Variants in ATXN2L observed in about 807,000 individuals in gnomAD.
ATXN2L encodes ataxin-2-like protein.
Under a neutral mutation model 120.7 loss-of-function variants are expected in ATXN2L, and 24 were observed. The ratio of observed to expected loss-of-function variants is 0.20; its 90% CI spans 0.14 to 0.28. The LOEUF (loss-of-function observed/expected upper bound fraction) is 0.28. ATXN2L is among the 10% of genes least tolerant of loss of function. ATXN2L has a pLI of 1.00. For synonymous variants in ATXN2L, 653 were observed against 568.1 expected, an observed-to-expected ratio of 1.15 and a Z score of -2.13; for missense variants, 1,312 against 1,432.3, an observed-to-expected ratio of 0.92 and a Z score of 1.36.
At chr16:28,833,026 T>C in intron 13 of ATXN2L, 33 bp from the exon 14 acceptor site, 1 of 1,607,440 alleles carries the variant, frequency 6.2e-7, no homozygotes, top group Non-Finnish European at 8.5e-7. Context: ...AGGGTCTGGG[T>C]CAGACTGGAC....
intron 1 of ATXN2L, among the ~76,000 whole-genome samples, 184 bp from the exon 2 acceptor site, chr16:28,825,182 A>T (rs948043086): frequency 6.6e-6 from 1 of 152,102 alleles, no homozygotes. Context: ...ACGCCACTGC[A>T]CCCCAGCCTG....
intron 1 of ATXN2L, chr16:28,824,492 A>G (rs1473245690): frequency 4.7e-6 from 6 of 1,288,178 alleles, no homozygotes; most frequent in African/African-American, 1.5e-5. Flanking sequence ...ACCGCCGGTT[A>G]CATCAGCCAG....
chr16:28,824,456 C>A (rs1458340037), intron 1 of ATXN2L: 1 of 1,287,476 alleles, frequency 7.8e-7, no homozygotes. Context: ...CCCCCAGCCC[C>A]GCCAGCGGCC....
In ATXN2L at chr16:28,835,535, C is replaced by A; in HGVS notation, c.2686-14C>A. On this transcript the variant is annotated splice_polypyrimidine_tract_variant and intron_variant, in intron 20 of 21. Coordinates refer to ENST00000336783, the MANE Select transcript of ATXN2L (RefSeq NM_007245.4). ...GCTGGCCTGTGTGGCACTCAACCTTCCCCTCCCCAGCAGCATCAGGCGGGG... is the reference window on the plus strand; with the variant it reads ...GCTGGCCTGTGTGGCACTCAACCTTACCCTCCCCAGCAGCATCAGGCGGGG... The A allele has an allele frequency of 6.2e-7, 1 of 1,612,894 alleles. No homozygotes were observed. The highest frequency in any genetic ancestry group is 8.5e-7 in the Non-Finnish European group (1 of 1,179,760).
At chr16:28,824,014 G>A in intron 1 of ATXN2L, 1 of 784,012 alleles carries the variant, frequency 1.3e-6, no homozygotes, top group Non-Finnish European at 1.6e-6. Context: ...GGGAGGGAGG[G>A]ACTTGGGAGC....
In ATXN2L at chr16:28,830,603, C is replaced by G; in HGVS notation, c.1035-12C>G. 1 of 1,549,078 alleles carries G rather than the reference C, an allele frequency of 6.5e-7. No homozygotes were observed. The highest frequency in any genetic ancestry group is 8.7e-7 in the Non-Finnish European group (1 of 1,147,940). ...TTGTGGCTACCTGGCCTTATTTGAA[C>G]TCTTTCCTCAGGGAGGGGAAGTATA... On this transcript the variant is annotated splice_polypyrimidine_tract_variant and intron_variant, in intron 8 of 21. Transcript: ENST00000336783.
chr16:28,830,857 T>C, intron 9 of ATXN2L, 67 bp downstream of exon 9: 1 of 1,534,428 alleles, frequency 6.5e-7, no homozygotes, highest in Non-Finnish European at 8.8e-7. Context: ...GGAGGGTAAT[T>C]GGAGGGGTTT....
In ATXN2L at chr16:28,837,099, T is replaced by A. The variant is rs780637920; in HGVS notation, c.*834T>A. The stretch of plus-strand genomic sequence containing the variant: ...ACTTCAGACTTGGGCCCCCTGTTCT[T>A]TCTTTCCCATTAACTTGAGTGACCT... On this transcript the variant is annotated 3_prime_UTR_variant, in exon 22 of 22. Transcript: ENST00000336783. 1.9e-6 allele frequency: 1 copy of A among 522,160 alleles called. No individual in the cohort carries two copies. The highest frequency in any genetic ancestry group is 1.6e-5 in the South Asian group (1 of 63,906). 32.3% of individuals were successfully genotyped at this position (522,160 alleles called of 1,614,324 possible). A position where few individuals can be genotyped will look rare whatever the true frequency, so the allele number is the denominator to read the frequency against.
chr16:28,835,960 G>A lies in ATXN2L; in HGVS notation c.2923G>A (p.Ala975Thr). ...CCATGTCCAAACTGGAATCACAGCAGCCCCGCCCCCTCACCCTGGGGCTCC... is the reference window on the plus strand; with the variant it reads ...CCATGTCCAAACTGGAATCACAGCAACCCCGCCCCCTCACCCTGGGGCTCC... ...QAHVQTGITA[A>T]PPPHPGAPHP... Residue 975 changes from alanine to threonine, a missense_variant, in exon 22 of 22, where the codon GCC (alanine) becomes ACC (threonine). By Grantham distance (58) the Ala-to-Thr change is moderately conservative. Coordinates refer to ENST00000336783, the MANE Select transcript of ATXN2L (RefSeq NM_007245.4). The A allele has an allele frequency of 6.5e-7, 1 of 1,541,748 alleles. No homozygotes were observed. The highest frequency in any genetic ancestry group is 1.3e-5 in the South Asian group (1 of 79,564).
intron 6 of ATXN2L, 88 bp downstream of exon 6, chr16:28,827,074 T>C: frequency 7.9e-7 from 1 of 1,269,512 alleles, no homozygotes; most frequent in Non-Finnish European, 1.0e-6. Flanking sequence ...GAGGGAAATA[T>C]TTACTGTTGC....
rs561033634 is a variant in ATXN2L, at chr16:28,836,945, G to A, written c.*680G>A. 14 of 753,720 alleles carry A rather than the reference G, an allele frequency of 1.9e-5. No homozygotes were observed. In the South Asian group the frequency reaches 2.3e-4, roughly 13 times the overall value. The allele number at this position is 753,720 out of a possible 1,614,324, so 46.7% of individuals were successfully genotyped here. On this transcript the variant is annotated 3_prime_UTR_variant, in exon 22 of 22. Transcript: ENST00000336783. ...AATGGGAGGGGCCTCACAGAGGGCA[G>A]GGCCAGGGTCCAGCAGGGGTGGGGG... is the stretch of plus-strand genomic sequence containing the variant.
chr16:28,830,856 T>G, intron 9 of ATXN2L, 66 bp downstream of exon 9: 2 of 1,535,916 alleles, frequency 1.3e-6, no homozygotes, highest in South Asian at 1.2e-5. Flanking sequence ...GGGAGGGTAA[T>G]TGGAGGGGTT....
At chr16:28,824,290 A>AGTGTGT in intron 1 of ATXN2L, 1 of 1,169,196 alleles carries the variant, frequency 8.6e-7, no homozygotes, top group African/African-American at 1.6e-5. Flanking sequence ...TTCCTGTGCG[A>AGTGTGT]GTGTGTGTGT....
Position 28,826,258 on chromosome 16 carries a change from G to A in ATXN2L, c.484G>A (p.Ala162Thr). 1.2e-6 allele frequency: 2 copies of A among 1,614,200 alleles called. No individual in the cohort carries two copies. Among genetic ancestry groups the A allele is most frequent in the South Asian group, 1.1e-5 (1 of 91,082 alleles). ...LSSKFELAVD[A>T]VHRKASEPAG... ...TTTGTAGTTTGAACTAGCCGTGGAT[G>A]CTGTGCACCGGAAAGCATCTGAGCC... Residue 162 changes from alanine to threonine, a missense_variant, in exon 5 of 22, where the codon GCT (alanine) becomes ACT (threonine). By Grantham distance (58) the Ala-to-Thr change is moderately conservative. Transcript: ENST00000336783.
At position 28,823,174 on chromosome 16, in the gene ATXN2L, C is replaced by T. The variant is rs2050222112; in HGVS notation, c.-86C>T. The T allele has an allele frequency of 2.1e-6, 2 of 965,294 alleles. No homozygotes were observed. Among genetic ancestry groups the T allele is most frequent in the East Asian group, 3.3e-5 (1 of 29,872 alleles). 59.8% of individuals were successfully genotyped at this position (965,294 alleles called of 1,614,324 possible). A position where few individuals can be genotyped will look rare whatever the true frequency, so the allele number is the denominator to read the frequency against. ...CGGGCCCCGGCTGCCCGATCCCCCT[C>T]GCTTCCCGCGCTCTCCAGCGGGGCC... On this transcript the variant is annotated 5_prime_UTR_variant, in exon 1 of 22. Coordinates refer to ENST00000336783, the MANE Select transcript of ATXN2L (RefSeq NM_007245.4).
chr16:28,824,345 C>T (rs1479490785), intron 1 of ATXN2L: 1 of 1,210,334 alleles, frequency 8.3e-7, no homozygotes, highest in Non-Finnish European at 1.1e-6. Context: ...GCAGTGGGCT[C>T]TGATCGCTGG....
Position 28,825,750 on chromosome 16 carries a change from T to G in ATXN2L, c.394-20T>G. ...ATCTACTTTCTGGAGACACTCTTCTTATTTTTCCCACTCTGCCAGGGCTCC... is the reference window on the plus strand; with the variant it reads ...ATCTACTTTCTGGAGACACTCTTCTGATTTTTCCCACTCTGCCAGGGCTCC... On this transcript the variant is annotated intron_variant, in intron 3 of 21. Coordinates refer to ENST00000336783, the MANE Select transcript of ATXN2L (RefSeq NM_007245.4). 6.2e-7 allele frequency: 1 copy of G among 1,613,964 alleles called. No individual in the cohort carries two copies. Among genetic ancestry groups the G allele is most frequent in the Non-Finnish European group, 8.5e-7 (1 of 1,179,814 alleles).
intron 4 of ATXN2L, 36 bp downstream of exon 4, chr16:28,825,877 C>T (rs372150446): frequency 1.9e-6 from 3 of 1,570,568 alleles, no homozygotes; most frequent in Non-Finnish European, 1.8e-6. Flanking sequence ...TTTGGAGTTG[C>T]AGAGTAGGAG....
intron 1 of ATXN2L, 51 bp downstream of exon 1, chr16:28,823,609 G>A: frequency 1.6e-6 from 2 of 1,281,966 alleles, no homozygotes; most frequent in African/African-American, 1.5e-5. Context: ...CAGAGGCTGT[G>A]GCTCGGTTCC....
Sources: allele counts gnomAD v4.1 joint callset (sites outside exome capture counted in the v4.1 genomes callset), GRCh38; gene constraint gnomAD v4.1.1; transcripts MANE v1.5; gene names NCBI Gene and HGNC (gene_info 2026-07-23, HGNC 2026-07-21).